Variants in DNAH9 observed in about 807,000 individuals in gnomAD.
The protein encoded by DNAH9 is dynein axonemal heavy chain 9.
DNAH9 carries 345 observed loss-of-function variants against 471.6 expected under a neutral mutation model. That is an observed-to-expected ratio of 0.73 (90% CI 0.67 to 0.80). DNAH9 has a LOEUF of 0.80. Among genes scored for constraint, DNAH9 ranks in the 30% least tolerant of loss-of-function variants. The pLI is 0.00. For missense variants in DNAH9, 5,407 were observed against 5,609.2 expected (o/e 0.96, Z 1.15); for synonymous variants, 2,093 against 2,123.6 (o/e 0.99, Z 0.40).
chr17:11,846,093 A>G (rs1390444245), intron 49 of DNAH9, among the ~76,000 whole-genome samples: 16 of 150,220 alleles, frequency 1.1e-4, no homozygotes, highest in Non-Finnish European at 1.8e-4. Flanking sequence ...TATGTCCTGA[A>G]TGGTAATGCC....
At chr17:11,664,394 G>A (rs2073831273) in intron 14 of DNAH9, among the ~76,000 whole-genome samples, 1 of 152,120 alleles carries the variant, frequency 6.6e-6, no homozygotes, top group Non-Finnish European at 1.5e-5. Context: ...TCATTTCTAA[G>A]AATTAACCAG....
chr17:11,781,075 T>C lies in DNAH9; in HGVS notation c.7619T>C (p.Leu2540Pro). The change falls in exon 39 of 69, where the codon CTC (leucine) becomes CCC (proline). Residue 2540 changes from leucine (L) to proline (P), a missense_variant. Leu to Pro is a moderately conservative substitution (Grantham distance 98, BLOSUM62 -3). Transcript: ENST00000262442. ...RNYGPPGNKK[L>P]IYFIDDMNMP... Reference sequence around the variant, plus strand: ...TATGGCCCTCCAGGGAACAAGAAACTCATCTATTTCATTGATGACATGAAC... The same window carrying C: ...TATGGCCCTCCAGGGAACAAGAAACCCATCTATTTCATTGATGACATGAAC... 6.2e-7 allele frequency: 1 copy of C among 1,614,162 alleles called. No individual in the cohort carries two copies. Among genetic ancestry groups the C allele is most frequent in the Non-Finnish European group, 8.5e-7 (1 of 1,180,028 alleles).
At chr17:11,745,123 T>G in intron 31 of DNAH9, 39 bp downstream of exon 31, 2 of 1,552,572 alleles carry the variant, frequency 1.3e-6, no homozygotes, top group Non-Finnish European at 1.8e-6. Flanking sequence ...CTCTATCTCT[T>G]ACTTATTGTC....
chr17:11,696,021 GAT>G (rs2074470832), intron 22 of DNAH9, among the ~76,000 whole-genome samples: 2 of 152,304 alleles, frequency 1.3e-5, no homozygotes, highest in African/African-American at 4.8e-5. Context: ...TATGCAAAAA[GAT>G]ATGTATATAC....
chr17:11,637,449 C>A (rs11654367), intron 9 of DNAH9, among the ~76,000 whole-genome samples: 16,478 of 152,000 alleles, frequency 0.11, 1,213 homozygotes, highest in South Asian at 0.27. Context: ...AGAATGGTAA[C>A]AAGCTGGAAG....
At chr17:11,605,354 T>C (rs1233919843) in intron 1 of DNAH9, among the ~76,000 whole-genome samples, 1 of 152,188 alleles carries the variant, frequency 6.6e-6, no homozygotes, top group African/African-American at 2.4e-5. Context: ...ATAAGCTTCA[T>C]GAGGTCAGAA....
chr17:11,685,066 G>T (rs1367636948), intron 19 of DNAH9, among the ~76,000 whole-genome samples: 1 of 152,148 alleles, frequency 6.6e-6, no homozygotes, highest in Non-Finnish European at 1.5e-5. Flanking sequence ...AGGATTTTGA[G>T]ATAATACACC....
chr17:11,664,228 G>T (rs544533939), intron 14 of DNAH9, among the ~76,000 whole-genome samples: 1 of 151,916 alleles, frequency 6.6e-6, no homozygotes, highest in African/African-American at 2.4e-5. Flanking sequence ...ATGCCAATAG[G>T]TCAAGAGTGT....
chr17:11,693,059 C>A lies in DNAH9; in HGVS notation c.4615-809C>A, dbSNP rs371597496. 6.4e-5 allele frequency among the ~76,000 whole-genome samples: 8 copies of A among 125,560 alleles called. 1 individual carries two copies. The highest frequency in any genetic ancestry group is 2.4e-4 in the African/African-American group (8 of 33,092). The allele number at this position is 125,560 out of a possible 152,430, so 82.4% of individuals were successfully genotyped here. A position where few individuals can be genotyped will look rare whatever the true frequency, so the allele number is the denominator to read the frequency against. Reference sequence around the variant, plus strand: ...TAGCTGAGATGACAGGCACACACCACCATGACCGGCTTTTTTTTTTTTTTT... The same window carrying A: ...TAGCTGAGATGACAGGCACACACCAACATGACCGGCTTTTTTTTTTTTTTT... On this transcript the variant is annotated intron_variant, in intron 20 of 68. Coordinates refer to ENST00000262442, the MANE Select transcript of DNAH9 (RefSeq NM_001372.4).
intron 63 of DNAH9, 146 bp from the exon 64 acceptor site, chr17:11,931,868 C>G (rs34699235): frequency 1.6e-5 from 14 of 856,572 alleles, no homozygotes; most frequent in Admixed American, 2.2e-5. Flanking sequence ...CACGTTCCCC[C>G]CAGGCTGTAG....
chr17:11,913,095 G>A (rs1973839849), intron 61 of DNAH9, among the ~76,000 whole-genome samples: 1 of 152,152 alleles, frequency 6.6e-6, no homozygotes, highest in Non-Finnish European at 1.5e-5. Flanking sequence ...TTGAACCTGG[G>A]AGGTGGAGGT....
At chr17:11,678,969 T>TA (rs1244840347) in intron 17 of DNAH9, among the ~76,000 whole-genome samples, 1 of 152,210 alleles carries the variant, frequency 6.6e-6, no homozygotes, top group Non-Finnish European at 1.5e-5. Context: ...ACGTATATCA[T>TA]ACAGCAGTCT....
intron 50 of DNAH9, 57 bp from the exon 51 acceptor site, chr17:11,869,077 C>A: frequency 6.3e-7 from 1 of 1,593,274 alleles, no homozygotes; most frequent in Admixed American, 1.7e-5. Context: ...ATCTAATGAG[C>A]ACTGGTAGTT....
At chr17:11,652,386 C>T (rs776968749) in intron 13 of DNAH9, among the ~76,000 whole-genome samples, 11 of 146,444 alleles carry the variant, frequency 7.5e-5, no homozygotes, top group Middle Eastern at 3.6e-3. Flanking sequence ...CCCGGGTTCA[C>T]GCCATTCTCC....
chr17:11,959,804 C>T (rs903034338), intron 67 of DNAH9, among the ~76,000 whole-genome samples: 2 of 152,112 alleles, frequency 1.3e-5, no homozygotes, highest in Non-Finnish European at 2.9e-5. Context: ...TGGATAAATA[C>T]GTGGAATGAA....
At chr17:11,660,885 A>G (rs2073748262) in intron 14 of DNAH9, among the ~76,000 whole-genome samples, 1 of 152,098 alleles carries the variant, frequency 6.6e-6, no homozygotes, top group East Asian at 1.9e-4. Flanking sequence ...GTGTTCTATA[A>G]ATATAAATTA....
At chr17:11,919,136 C>T (rs1430273581) in intron 61 of DNAH9, among the ~76,000 whole-genome samples, 1 of 151,966 alleles carries the variant, frequency 6.6e-6, no homozygotes, top group African/African-American at 2.4e-5. Context: ...GTAATGGAGG[C>T]GTGTCCACCA....
chr17:11,930,225 T>C (rs1974463293), intron 63 of DNAH9, 132 bp downstream of exon 63: 1 of 777,870 alleles, frequency 1.3e-6, no homozygotes, highest in East Asian at 2.7e-5. Context: ...CTGATGTGGG[T>C]AAAATGTTCC....
chr17:11,881,447 A>C, intron 55 of DNAH9, 34 bp downstream of exon 55: 1 of 1,593,442 alleles, frequency 6.3e-7, no homozygotes, highest in Non-Finnish European at 8.6e-7. Context: ...TTCTGCCACT[A>C]GAGCCTGCAG....
Sources: gnomAD v4.1 joint callset for allele counts (sites outside exome capture counted in the v4.1 genomes callset) on GRCh38, gnomAD v4.1.1 for gene constraint, MANE v1.5 for transcripts, NCBI Gene and HGNC (gene_info 2026-07-23, HGNC 2026-07-21) for gene names.